Variants in TMEM245 observed in about 807,000 individuals in gnomAD.
The protein encoded by TMEM245 is transmembrane protein 245.
TMEM245 carries 69 observed loss-of-function variants against 101.2 expected under a neutral mutation model. The ratio of observed to expected loss-of-function variants is 0.68; its 90% CI spans 0.56 to 0.83. The LOEUF is 0.83. Among genes scored for constraint, TMEM245 ranks in the 40% least tolerant of loss-of-function variants. The pLI, the probability that TMEM245 is intolerant of heterozygous loss-of-function variation, is 0.00. For synonymous variants in TMEM245, 537 were observed against 449.8 expected (o/e 1.19, Z -2.45); for missense variants, 1,075 against 1,092.8 (o/e 0.98, Z 0.23).
chr9:109,068,162 T>C (rs1336774250), intron 9 of TMEM245, among the ~76,000 whole-genome samples: 1 of 151,910 alleles, frequency 6.6e-6, no homozygotes, highest in Non-Finnish European at 1.5e-5. Context: ...CATCAGGAGA[T>C]CGAGACCATC....
chr9:109,087,282 T>C lies in TMEM245; in HGVS notation c.1211A>G (p.Tyr404Cys). 1 of 1,613,620 alleles carries C rather than the reference T, an allele frequency of 6.2e-7. No individual in the cohort carries two copies. Reference sequence around the variant, plus strand: ...TTCTATAATGCCCCACCACACATGGTAGCGTTTCTCTAGGAAATCCACAAC... The same window carrying C: ...TTCTATAATGCCCCACCACACATGGCAGCGTTTCTCTAGGAAATCCACAAC... Reference protein sequence around the residue: ...FGVVDFLEKRYHVWWGIIESF... With the variant: ...FGVVDFLEKRCHVWWGIIESF... The change falls in exon 6 of 18, where the codon TAC becomes TGC. Residue 404 changes from tyrosine to cysteine, a missense_variant. Transcript: ENST00000374586.
rs756783362 is a variant in TMEM245, at chr9:109,091,135, A to T, written c.937T>A (p.Ser313Thr). The change falls in exon 5 of 18, where the codon TCC becomes ACC. Residue 313 changes from serine (S) to threonine (T), a missense_variant. Physicochemically the swap from Ser to Thr is moderately conservative, Grantham distance 58. Coordinates refer to ENST00000374586, the MANE Select transcript of TMEM245 (RefSeq NM_032012.4). ...QPAEAVDRGE[S>T]APTLSTSPSP... ...GGGGAGGTGGACAACGTTGGAGCGG[A>T]TTCTCCCCTGTCCACTGCTTCTGAA... 4 of 1,613,922 alleles carry T rather than the reference A, an allele frequency of 2.5e-6. No homozygotes were observed. The highest frequency in any genetic ancestry group is 1.7e-5 in the Admixed American group (1 of 60,012).
At chr9:109,026,689 A>G (rs942366350) in intron 17 of TMEM245, among the ~76,000 whole-genome samples, 3 of 150,862 alleles carry the variant, frequency 2.0e-5, no homozygotes, top group African/African-American at 4.9e-5. Context: ...TGTCCCCTGC[A>G]AATCTTATGT....
At chr9:109,027,220 G>A (rs1056823465) in intron 17 of TMEM245, among the ~76,000 whole-genome samples, 1 of 151,880 alleles carries the variant, frequency 6.6e-6, no homozygotes, top group Non-Finnish European at 1.5e-5. Flanking sequence ...GTAAACACAG[G>A]ACTGCTTTAC....
intron 16 of TMEM245, 61 bp downstream of exon 16, chr9:109,036,143 TAA>T (rs34730476): frequency 2.0e-3 from 2,520 of 1,230,434 alleles, no homozygotes; most frequent in South Asian, 8.0e-3. Context: ...AATCCTCCTT[TAA>T]AAAAAAAAAA....
chr9:109,116,484 G>A (rs947965726), intron 1 of TMEM245, among the ~76,000 whole-genome samples: 3 of 152,012 alleles, frequency 2.0e-5, no homozygotes, highest in Non-Finnish European at 4.4e-5. Context: ...GCCTCCCAAA[G>A]TGCTGGGGTT....
Position 109,087,320 on chromosome 9 carries a change from G to A in TMEM245, c.1173C>T (p.Val391=), listed in dbSNP as rs201067427. The part of the protein sequence containing the change: ...PIAVWILKKL[V]IHFGVVDFLE... ...GGAAATCCACAACTCCAAAGTGAATGACAAGCTTTTTGAGTATCCAGACTA... is the reference window on the plus strand; with the variant it reads ...GGAAATCCACAACTCCAAAGTGAATAACAAGCTTTTTGAGTATCCAGACTA... Residue 391 remains valine (V), a synonymous_variant, in exon 6 of 18, where the codon GTC becomes GTT. Coordinates refer to ENST00000374586, the MANE Select transcript of TMEM245 (RefSeq NM_032012.4). 6.0e-5 allele frequency: 97 copies of A among 1,604,076 alleles called. 1 individual carries two copies. In the Admixed American group the frequency reaches 1.6e-3, roughly 27 times the overall value.
intron 14 of TMEM245, among the ~76,000 whole-genome samples, chr9:109,049,625 G>A (rs937440506): frequency 2.6e-5 from 4 of 152,148 alleles, no homozygotes; most frequent in African/African-American, 9.7e-5. Flanking sequence ...TTAGGAGTTT[G>A]AGACCAGCCT....
In TMEM245 at chr9:109,050,610, A is replaced by G. The variant is rs1199996505; in HGVS notation, c.1937T>C (p.Phe646Ser). ...TTVTTLLTIL[F>S]YSGTALLNFV... ...ATTGAGAAGGGCTGTCCCGCTGTAG[A>G]AGAGGATGGTCAAGAGTGTAGTGAC... The change falls in exon 13 of 18, where the codon TTC (phenylalanine) becomes TCC (serine). Residue 646 changes from phenylalanine to serine, a missense_variant. This residue lies in a region of TMEM245 where 267 missense variants were observed against 351.3 expected (regional missense o/e 0.76). Coordinates refer to ENST00000374586, the MANE Select transcript of TMEM245 (RefSeq NM_032012.4). 6.2e-7 allele frequency: 1 copy of G among 1,613,724 alleles called. No homozygotes were observed. Among genetic ancestry groups the G allele is most frequent in the East Asian group, 2.2e-5 (1 of 44,872 alleles).
intron 3 of TMEM245, among the ~76,000 whole-genome samples, chr9:109,096,683 A>C (rs1378042376): frequency 6.6e-6 from 1 of 152,138 alleles, no homozygotes; most frequent in Non-Finnish European, 1.5e-5. Context: ...AAAAACAAAG[A>C]CCTTCAGGTC....
intron 14 of TMEM245, among the ~76,000 whole-genome samples, chr9:109,039,685 G>C (rs1205084185): frequency 6.6e-6 from 1 of 152,088 alleles, no homozygotes; most frequent in Non-Finnish European, 1.5e-5. Flanking sequence ...GCAACAGGTT[G>C]TGTTTTCATA....
At chr9:109,101,815 C>CCA (rs1397129505) in intron 3 of TMEM245, among the ~76,000 whole-genome samples, 1 of 152,162 alleles carries the variant, frequency 6.6e-6, no homozygotes, top group African/African-American at 2.4e-5. Flanking sequence ...TCATAATCGA[C>CCA]CATGGTCTTC....
intron 5 of TMEM245, among the ~76,000 whole-genome samples, chr9:109,089,478 C>T (rs948895537): frequency 6.6e-6 from 1 of 152,122 alleles, no homozygotes; most frequent in Non-Finnish European, 1.5e-5. Context: ...AATCAGATTA[C>T]GTTTTAATCA....
At chr9:109,055,759 C>A (rs1828814497) in intron 12 of TMEM245, among the ~76,000 whole-genome samples, 2 of 151,970 alleles carry the variant, frequency 1.3e-5, no homozygotes, top group South Asian at 4.1e-4. Context: ...CTCAGCCTCC[C>A]GAGTATCTGG....
In TMEM245 at chr9:109,050,688, A is replaced by G; in HGVS notation, c.1859T>C (p.Leu620Ser). 6.2e-7 allele frequency: 1 copy of G among 1,612,728 alleles called. No individual in the cohort carries two copies. Among genetic ancestry groups the G allele is most frequent in the Non-Finnish European group, 8.5e-7 (1 of 1,179,754 alleles). ...HENIETFLSI[L>S]ESLWIVMSRN... ...GCTCATAACGATCCACAGAGACTCCAAGATCTGACGAGGAAGGAAAGCTGG... is the reference window on the plus strand; with the variant it reads ...GCTCATAACGATCCACAGAGACTCCGAGATCTGACGAGGAAGGAAAGCTGG... Residue 620 changes from leucine (L) to serine (S), a missense_variant, in exon 13 of 18, where the codon TTG (leucine) becomes TCG (serine). Leu to Ser is a moderately radical substitution (Grantham distance 145). This residue lies in a region of TMEM245 where 267 missense variants were observed against 351.3 expected (regional missense o/e 0.76). Coordinates refer to ENST00000374586, the MANE Select transcript of TMEM245 (RefSeq NM_032012.4).
chr9:109,053,012 C>T (rs954661832), intron 12 of TMEM245, among the ~76,000 whole-genome samples: 3 of 152,058 alleles, frequency 2.0e-5, no homozygotes, highest in African/African-American at 7.2e-5. Context: ...TAACTAAATC[C>T]TTAAAGTAAA....
chr9:109,055,642 T>TC (rs1261236320), intron 12 of TMEM245, among the ~76,000 whole-genome samples: 1 of 151,292 alleles, frequency 6.6e-6, no homozygotes, highest in East Asian at 1.9e-4. Context: ...TTTTTCTTTT[T>TC]TTTTTTTTTA....
At chr9:109,097,514 T>TTAGATGGCCA (rs1830173341) in intron 3 of TMEM245, among the ~76,000 whole-genome samples, 1 of 152,218 alleles carries the variant, frequency 6.6e-6, no homozygotes, top group South Asian at 2.1e-4. Flanking sequence ...TTCTTACTAC[T>TTAGATGGCCA]TAGATGGCTA....
intron 3 of TMEM245, among the ~76,000 whole-genome samples, chr9:109,098,887 C>T (rs141676523): frequency 1.3e-5 from 2 of 152,236 alleles, no homozygotes; most frequent in South Asian, 2.1e-4. Context: ...ACTCAGAGTC[C>T]GGCACACAAG....
Sources: allele counts gnomAD v4.1 joint callset (sites outside exome capture counted in the v4.1 genomes callset), GRCh38; gene constraint gnomAD v4.1.1; regional missense constraint gnomAD v4.1.1; transcripts MANE v1.5; gene names NCBI Gene and HGNC (gene_info 2026-07-23, HGNC 2026-07-21).